TBC1D22A: variants seen among roughly 807,000 people sequenced by gnomAD.
TBC1D22A encodes the protein TBC1 domain family member 22A, also known as putative GTPase activator.
TBC1D22A carries 38 observed loss-of-function variants against 60.2 expected under a neutral mutation model. The ratio of observed to expected loss-of-function variants is 0.63; its 90% confidence interval spans 0.49 to 0.83. TBC1D22A has a LOEUF of 0.83. Ranked by LOEUF, TBC1D22A falls within the 40% of genes least tolerant of loss-of-function variation. The pLI, the probability that TBC1D22A is intolerant of heterozygous loss-of-function variation, is 0.00. For missense variants in TBC1D22A, 628 were observed against 701.0 expected (o/e 0.90, Z 1.18); for synonymous variants, 302 against 281.7 (o/e 1.07, Z -0.72).
chr22:46,897,788 A>C (rs1271908265), intron 7 of TBC1D22A, among the ~76,000 whole-genome samples: 1 of 151,568 alleles, frequency 6.6e-6, no homozygotes, highest in Non-Finnish European at 1.5e-5. Context: ...TGTTATAGTA[A>C]ATGTTATCTC....
At chr22:46,782,979 A>C (rs2084004418) in intron 1 of TBC1D22A, among the ~76,000 whole-genome samples, 1 of 152,066 alleles carries the variant, frequency 6.6e-6, no homozygotes, top group African/African-American at 2.4e-5. Context: ...CTCCGAGTGG[A>C]ATTGATGGGT....
intron 11 of TBC1D22A, among the ~76,000 whole-genome samples, chr22:47,086,808 C>T (rs115038970): frequency 0.021 from 3,241 of 152,262 alleles, 98 homozygotes; most frequent in African/African-American, 0.074. Context: ...GTGGTTCACA[C>T]ACTCTAGCAA....
chr22:46,903,012 A>C (rs1015688211), intron 7 of TBC1D22A, among the ~76,000 whole-genome samples: 1 of 152,206 alleles, frequency 6.6e-6, no homozygotes, highest in Non-Finnish European at 1.5e-5. Flanking sequence ...TCCACTCTGG[A>C]GGGTCATGCC....
rs74697245 is a variant in TBC1D22A at position 46,837,197 on chromosome 22, A to T, written c.637+39577A>T. ...GAAGGGGTCAGTTCATCAAGAAGATATAACAATTGTGAATATATGTGTATC... is the reference window on the plus strand; with the variant it reads ...GAAGGGGTCAGTTCATCAAGAAGATTTAACAATTGTGAATATATGTGTATC... On this transcript the variant is annotated intron_variant, in intron 4 of 12. Transcript: ENST00000337137. 2.1e-3 allele frequency among the ~76,000 whole-genome samples: 316 copies of T among 152,324 alleles called. 1 individual carries two copies. Among genetic ancestry groups the T allele is most frequent in the African/African-American group, 7.3e-3 (305 of 41,566 alleles).
chr22:47,104,170 G>A (rs967276426), intron 11 of TBC1D22A, among the ~76,000 whole-genome samples: 6 of 152,036 alleles, frequency 3.9e-5, no homozygotes, highest in Admixed American at 2.6e-4. Flanking sequence ...GCTAGGTGTG[G>A]TGGTGTGTGC....
intron 11 of TBC1D22A, among the ~76,000 whole-genome samples, chr22:47,063,553 G>A (rs4490): frequency 0.47 from 71,612 of 151,934 alleles, 17,576 homozygotes; most frequent in East Asian, 0.59. Context: ...GTCCGGGAAT[G>A]TTTGGGGAGC....
At chr22:47,159,296 CCA>C (rs2067858538) in intron 12 of TBC1D22A, among the ~76,000 whole-genome samples, 1 of 147,786 alleles carries the variant, frequency 6.8e-6, no homozygotes, top group African/African-American at 2.5e-5. Context: ...ACTACACACC[CCA>C]CACACACCAT....
rs538200999 is a variant in TBC1D22A, at chr22:46,979,733, C to T, written c.1125+5334C>T. Among the ~76,000 whole-genome samples, 5 of 152,346 alleles carry T rather than the reference C, an allele frequency of 3.3e-5. No homozygotes were observed. In the East Asian group the frequency reaches 9.6e-4, roughly 29 times the overall value. ...GGTGAGGGCACTGCCCTGCCTGCTG[C>T]CAGCATGCCCGCAATTTTACCCACC... On this transcript the variant is annotated intron_variant, in intron 9 of 12. Coordinates refer to ENST00000337137, the MANE Select transcript of TBC1D22A (RefSeq NM_014346.5).
intron 12 of TBC1D22A, among the ~76,000 whole-genome samples, chr22:47,119,682 A>G (rs1454350833): frequency 6.6e-6 from 1 of 152,004 alleles, no homozygotes; most frequent in Non-Finnish European, 1.5e-5. Context: ...TTTTTAGTAG[A>G]GACAGGGTTT....
chr22:46,959,344 G>A (rs921664592), intron 8 of TBC1D22A, among the ~76,000 whole-genome samples: 1 of 152,212 alleles, frequency 6.6e-6, no homozygotes, highest in Non-Finnish European at 1.5e-5. Flanking sequence ...GCAGTGTTGT[G>A]AACAGTGGGT....
intron 8 of TBC1D22A, among the ~76,000 whole-genome samples, chr22:46,967,744 C>T (rs1015766147): frequency 1.3e-5 from 2 of 152,198 alleles, no homozygotes; most frequent in Non-Finnish European, 1.5e-5. Flanking sequence ...ACTTAACCCG[C>T]ATCAAGCCTT....
chr22:47,039,702 A>AG (rs1337012496), intron 11 of TBC1D22A, among the ~76,000 whole-genome samples: 2 of 109,900 alleles, frequency 1.8e-5, no homozygotes, highest in South Asian at 3.2e-4. Flanking sequence ...CGTGCATTTC[A>AG]GGAAAAAAAA....
At chr22:46,978,576 C>T (rs2074394187) in intron 9 of TBC1D22A, among the ~76,000 whole-genome samples, 1 of 152,138 alleles carries the variant, frequency 6.6e-6, no homozygotes, top group African/African-American at 2.4e-5. Context: ...TCCAGCATTA[C>T]ATAGATACAT....
chr22:47,109,916 C>A (rs908093198), intron 11 of TBC1D22A, among the ~76,000 whole-genome samples: 1 of 152,106 alleles, frequency 6.6e-6, no homozygotes, highest in Non-Finnish European at 1.5e-5. Context: ...CCTCCTGGTT[C>A]TCCTGGTTCC....
chr22:46,769,909 G>C (rs1208774739), intron 1 of TBC1D22A, among the ~76,000 whole-genome samples: 1 of 152,118 alleles, frequency 6.6e-6, no homozygotes, highest in African/African-American at 2.4e-5. Flanking sequence ...TGATGGGCGG[G>C]GTGCTGGGGG....
Position 47,064,438 on chromosome 22 carries a change from G to T in TBC1D22A, c.1329+27240G>T, listed in dbSNP as rs1319113531. On this transcript the variant is annotated intron_variant, in intron 11 of 12. Coordinates refer to ENST00000337137, the MANE Select transcript of TBC1D22A (RefSeq NM_014346.5). ...GCTCAGTATGGTTAATGTCAGGGAG[G>T]ATTAACTGGTTCAGTCTGATCCATT... is the stretch of plus-strand genomic sequence containing the variant. Among the ~76,000 whole-genome samples the T allele has an allele frequency of 2.6e-5, 4 of 152,264 alleles. No individual in the cohort carries two copies. The East Asian group carries it at 7.7e-4, about 29-fold the overall frequency.
chr22:46,909,046 G>A (rs1197152523), intron 7 of TBC1D22A, among the ~76,000 whole-genome samples: 1 of 152,290 alleles, frequency 6.6e-6, no homozygotes, highest in East Asian at 1.9e-4. Context: ...TTGTTGTGCC[G>A]AGAGGACTTG....
intron 12 of TBC1D22A, among the ~76,000 whole-genome samples, chr22:47,154,680 A>T (rs1031373849): frequency 1.3e-5 from 2 of 152,156 alleles, no homozygotes; most frequent in Non-Finnish European, 2.9e-5. Flanking sequence ...CCGAGTTCAG[A>T]CGGCAGCTCT....
At chr22:47,068,262 C>T (rs575568759) in intron 11 of TBC1D22A, among the ~76,000 whole-genome samples, 12 of 152,378 alleles carry the variant, frequency 7.9e-5, no homozygotes, top group African/African-American at 2.6e-4. Flanking sequence ...CCCCAGGGCT[C>T]TTCCCTCCCT....
Sources: allele counts gnomAD v4.1 joint callset (sites outside exome capture counted in the v4.1 genomes callset), GRCh38; gene constraint gnomAD v4.1.1; transcripts MANE v1.5; gene names NCBI Gene and HGNC (gene_info 2026-07-23, HGNC 2026-07-21).